NAA35: variants seen among roughly 807,000 people sequenced by gnomAD.
NAA35 encodes the protein MAK10 homolog, amino-acid N-acetyltransferase subunit.
NAA35 carries 18 observed loss-of-function variants against 101.7 expected under a neutral mutation model. The observed-to-expected ratio is 0.18, with a 90% confidence interval of 0.12 to 0.26. The LOEUF is 0.26. Among genes scored for constraint, NAA35 ranks in the 10% least tolerant of loss-of-function variants. The pLI is 1.00. For missense variants in NAA35, 601 were observed against 886.8 expected (o/e 0.68, Z 4.09); for synonymous variants, 267 against 273.1 (o/e 0.98, Z 0.22).
intron 2 of NAA35, among the ~76,000 whole-genome samples, chr9:85,952,937 G>T (rs909970110): frequency 6.6e-6 from 1 of 152,144 alleles, no homozygotes; most frequent in African/African-American, 2.4e-5. Flanking sequence ...TAGGCCAGGC[G>T]TGATGGCTCA....
chr9:86,011,195 C>T (rs974486948), intron 15 of NAA35, among the ~76,000 whole-genome samples: 9 of 150,332 alleles, frequency 6.0e-5, no homozygotes, highest in African/African-American at 9.8e-5. Flanking sequence ...GTAGAGATCA[C>T]GCCATTGCAC....
At position 85,942,706 on chromosome 9, in the gene NAA35, G is replaced by C. The variant is rs190997997; in HGVS notation, c.124+423G>C. On this transcript the variant is annotated intron_variant, in intron 2 of 22. Coordinates refer to ENST00000361671, the MANE Select transcript of NAA35 (RefSeq NM_024635.4). Reference sequence around the variant, plus strand: ...CTTCCCTATGGGTCTATAAAATCTGGTCCCTGCCTGCCACTCAGGTTTCAT... The same window carrying C: ...CTTCCCTATGGGTCTATAAAATCTGCTCCCTGCCTGCCACTCAGGTTTCAT... Among the ~76,000 whole-genome samples the C allele has an allele frequency of 3.3e-5, 5 of 152,212 alleles. No homozygotes were observed. In the East Asian group the frequency reaches 9.6e-4, roughly 29 times the overall value.
chr9:86,012,044 A>G (rs1587659485), intron 15 of NAA35, among the ~76,000 whole-genome samples: 1 of 147,442 alleles, frequency 6.8e-6, no homozygotes, highest in African/African-American at 2.5e-5. Flanking sequence ...AAAAAACAAT[A>G]GAAGACCAGA....
At position 85,975,100 on chromosome 9, in the gene NAA35, G is replaced by T. The variant is rs745951782; in HGVS notation, c.584-14G>T. On this transcript the variant is annotated splice_polypyrimidine_tract_variant and intron_variant, in intron 7 of 22. Transcript: ENST00000361671. ...CATATGTTTCCTTTTAAAACTTATT[G>T]TTTCTTTTTCTAGGCATGCTAAAAG... 6.2e-7 allele frequency: 1 copy of T among 1,612,994 alleles called. No homozygotes were observed. The highest frequency in any genetic ancestry group is 8.5e-7 in the Non-Finnish European group (1 of 1,179,480).
At chr9:85,989,853 C>G (rs748773680) in intron 11 of NAA35, among the ~76,000 whole-genome samples, 4 of 152,140 alleles carry the variant, frequency 2.6e-5, no homozygotes, top group African/African-American at 4.8e-5. Flanking sequence ...GACTAATTTT[C>G]TTTTATATGC....
At chr9:85,994,383 A>C (rs1307042978) in intron 11 of NAA35, among the ~76,000 whole-genome samples, 1 of 152,134 alleles carries the variant, frequency 6.6e-6, no homozygotes, top group Non-Finnish European at 1.5e-5. Context: ...GGTCCCTCAT[A>C]CAAGTGATAT....
At chr9:86,013,376 T>C (rs1265268234) in intron 16 of NAA35, among the ~76,000 whole-genome samples, 1 of 152,230 alleles carries the variant, frequency 6.6e-6, no homozygotes, top group Non-Finnish European at 1.5e-5. Flanking sequence ...TTATGAAATA[T>C]GTATAAAATG....
intron 15 of NAA35, among the ~76,000 whole-genome samples, chr9:86,010,618 A>T (rs2118405660): frequency 7.5e-6 from 1 of 133,834 alleles, no homozygotes; most frequent in South Asian, 2.4e-4. Context: ...TCTGTGGCCC[A>T]GGCGGGAGTG....
At chr9:85,980,807 A>T (rs190921336) in intron 11 of NAA35, among the ~76,000 whole-genome samples, 17 of 152,314 alleles carry the variant, frequency 1.1e-4, no homozygotes, top group African/African-American at 3.8e-4. Context: ...AAAACTCATT[A>T]AAATGAGATG....
chr9:85,948,313 A>T (rs1451256018), intron 2 of NAA35, among the ~76,000 whole-genome samples: 1 of 152,124 alleles, frequency 6.6e-6, no homozygotes, highest in East Asian at 1.9e-4. Flanking sequence ...CATTAATTCT[A>T]CTTCTAGATT....
chr9:85,982,525 ATAGTT>A (rs1830478082), intron 11 of NAA35, among the ~76,000 whole-genome samples: 1 of 152,152 alleles, frequency 6.6e-6, no homozygotes, highest in African/African-American at 2.4e-5. Context: ...ATGTTCACTC[ATAGTT>A]ATCTGTGAAT....
chr9:85,973,049 G>T (rs1021547017), intron 6 of NAA35, among the ~76,000 whole-genome samples: 1 of 152,214 alleles, frequency 6.6e-6, no homozygotes, highest in Non-Finnish European at 1.5e-5. Context: ...TTGAGGAATT[G>T]ACATTAGAAC....
At chr9:85,982,368 T>C (rs1049975657) in intron 11 of NAA35, among the ~76,000 whole-genome samples, 2 of 152,210 alleles carry the variant, frequency 1.3e-5, no homozygotes, top group Non-Finnish European at 2.9e-5. Flanking sequence ...CTGATGTTTT[T>C]CTTTGTTTTT....
intron 2 of NAA35, among the ~76,000 whole-genome samples, chr9:85,950,008 G>A (rs1828943577): frequency 6.6e-6 from 1 of 152,082 alleles, no homozygotes; most frequent in Non-Finnish European, 1.5e-5. Context: ...TACATGATGT[G>A]TGATGATGTC....
intron 17 of NAA35, among the ~76,000 whole-genome samples, chr9:86,015,156 A>G (rs1011231973): frequency 3.3e-5 from 5 of 152,314 alleles, no homozygotes; most frequent in African/African-American, 9.6e-5. Context: ...TCAGATCAAA[A>G]TATTATTTTT....
rs969851006 is a variant in NAA35, at chr9:85,973,631, A to G, written c.517-1336A>G. ...GCCATTTAGTGGTATGGTAAACACT[A>G]GGAAGTAGGCGTCAAGCTCCTTTTT... On this transcript the variant is annotated intron_variant, in intron 6 of 22. Coordinates refer to ENST00000361671, the MANE Select transcript of NAA35 (RefSeq NM_024635.4). Among the ~76,000 whole-genome samples the G allele has an allele frequency of 2.0e-5, 3 of 152,294 alleles. No homozygotes were observed. The East Asian group carries it at 5.8e-4, about 29-fold the overall frequency.
intron 11 of NAA35, chr9:85,986,399 C>A: frequency 2.1e-6 from 1 of 469,786 alleles, no homozygotes; most frequent in Admixed American, 2.3e-5. Context: ...TGTGTGCAGG[C>A]ATGTAATTTG....
chr9:86,018,657 C>T (rs781197769), intron 20 of NAA35, 42 bp from the exon 21 acceptor site: 19 of 1,588,584 alleles, frequency 1.2e-5, no homozygotes, highest in South Asian at 6.9e-5. Flanking sequence ...TAGAGTTGTT[C>T]ATATTAAACG....
At chr9:85,994,217 G>A (rs1171891257) in intron 11 of NAA35, among the ~76,000 whole-genome samples, 2 of 152,126 alleles carry the variant, frequency 1.3e-5, no homozygotes, top group African/African-American at 4.8e-5. Context: ...CAATTCACTA[G>A]CATTAATTAC....
Sources: allele counts gnomAD v4.1 joint callset (sites outside exome capture counted in the v4.1 genomes callset), GRCh38; gene constraint gnomAD v4.1.1; transcripts MANE v1.5; gene names NCBI Gene and HGNC (gene_info 2026-07-23, HGNC 2026-07-21).